Variants in DMD observed in about 807,000 individuals in gnomAD.
The protein encoded by DMD is mutant dystrophin.
In DMD, 63 loss-of-function variants were observed where a neutral mutation model predicts 330.1. That is an observed-to-expected ratio of 0.19 (90% CI 0.16 to 0.24). The LOEUF (loss-of-function observed/expected upper bound fraction) is 0.24, where lower values mean the gene tolerates loss of function less well. Among genes scored for constraint, DMD ranks in the 10% least tolerant of loss-of-function variants. The pLI, the probability that DMD is intolerant of heterozygous loss-of-function variation, is 1.00. For synonymous variants in DMD, 1,223 were observed against 959.8 expected (o/e 1.27, Z -5.07); for missense variants, 3,344 against 2,684.1 (o/e 1.25, Z -5.43).
chrX:32,756,043 A>G (rs1317793296), intron 7 of DMD: 2 of 112,360 alleles, frequency 1.8e-5, no homozygotes, highest in Non-Finnish European at 3.8e-5. Flanking sequence ...TGCTATGGCT[A>G]TTGGCTTTGT....
intron 1 of DMD, among the ~76,000 whole-genome samples, chrX:33,073,133 T>C (rs1453657681): frequency 8.9e-6 from 1 of 112,090 alleles, no homozygotes; most frequent in African/African-American, 3.2e-5. Context: ...AAGTAATGTT[T>C]ATCCTCAGTA....
At position 31,774,072 on chromosome X, in the gene DMD, C is replaced by T. The variant is rs764340452; in HGVS notation, c.7430G>A (p.Arg2477Gln). ...CCAGTCGGTAAGTTCTGTCCAAGCC[C>T]GGTTGAAATCTGCCAGAGCAGGTAC... ...LEVPALADFN[R>Q]AWTELTDWLS... is the part of the protein sequence containing the mutation. The change falls in exon 51 of 79, where the codon CGG (arginine) becomes CAG (glutamine). Residue 2477 changes from arginine (R) to glutamine (Q), a missense_variant. By Grantham distance (43) the Arg-to-Gln change is conservative. Coordinates refer to ENST00000357033, the MANE Select transcript of DMD (RefSeq NM_004006.3). 1.3e-5 allele frequency: 16 copies of T among 1,208,130 alleles called. No individual in the cohort carries two copies. The South Asian group carries it at 2.3e-4, about 17-fold the overall frequency.
intron 44 of DMD, among the ~76,000 whole-genome samples, chrX:32,183,571 A>ATATAT (rs2096934749): frequency 2.2e-4 from 21 of 95,102 alleles, no homozygotes; most frequent in African/African-American, 7.1e-4. Flanking sequence ...TATATATATA[A>ATATAT]ATATATATAT....
intron 61 of DMD, among the ~76,000 whole-genome samples, chrX:31,337,137 T>C (rs1423920258): frequency 9.1e-6 from 1 of 109,412 alleles, no homozygotes; most frequent in Non-Finnish European, 1.9e-5. Flanking sequence ...GTTGGCCAGG[T>C]TGGTCTCCAA....
chrX:32,058,495 C>G (rs778998918), intron 44 of DMD, among the ~76,000 whole-genome samples: 9 of 104,817 alleles, frequency 8.6e-5, no homozygotes, highest in Non-Finnish European at 1.4e-4. Context: ...TGTTCAACAT[C>G]ACTAACTACC....
At chrX:32,074,913 G>C (rs2096331545) in intron 44 of DMD, among the ~76,000 whole-genome samples, 1 of 110,545 alleles carries the variant, frequency 9.0e-6, no homozygotes, top group African/African-American at 3.3e-5. Flanking sequence ...AAACCGAAGA[G>C]GAAAAGAGAG....
At chrX:31,943,922 AG>A (rs1341980564) in intron 45 of DMD, among the ~76,000 whole-genome samples, 47 of 104,679 alleles carry the variant, frequency 4.5e-4, no homozygotes, top group African/African-American at 1.4e-3. Flanking sequence ...AGAGAGAGAG[AG>A]AGAGAAAAGG....
chrX:33,169,206 A>G (rs372295213), intron 1 of DMD, among the ~76,000 whole-genome samples: 383 of 111,526 alleles, frequency 3.4e-3, no homozygotes, highest in African/African-American at 0.012. Flanking sequence ...AATTTTGTAC[A>G]TTTGCAAAAA....
intron 7 of DMD, among the ~76,000 whole-genome samples, chrX:32,739,021 A>C (rs1052551320): frequency 8.9e-6 from 1 of 112,116 alleles, no homozygotes; most frequent in African/African-American, 3.2e-5. Context: ...GATGTTTTGC[A>C]ATTATAATGG....
chrX:31,320,656 A>G lies in DMD; in HGVS notation c.9224+2942T>C, dbSNP rs774244461. Among the ~76,000 whole-genome samples, 3 of 112,357 alleles carry G rather than the reference A, an allele frequency of 2.7e-5. No individual in the cohort carries two copies. In the South Asian group the frequency reaches 1.1e-3, roughly 42 times the overall value. ...TTGGTTTCCATAGAACATTTTAGAT[A>G]ATAGTAATGGCTAATAAGACACAAG... On this transcript the variant is annotated intron_variant, in intron 62 of 78. Transcript: ENST00000357033.
At chrX:32,493,633 A>C in intron 19 of DMD, among the ~76,000 whole-genome samples, 1 of 112,002 alleles carries the variant, frequency 8.9e-6, no homozygotes, top group Non-Finnish European at 1.9e-5. Flanking sequence ...ATTTGGTATA[A>C]AGTGTAAGAG....
intron 7 of DMD, among the ~76,000 whole-genome samples, chrX:32,733,561 A>G (rs1278067392): frequency 1.8e-5 from 2 of 111,260 alleles, no homozygotes; most frequent in African/African-American, 3.3e-5. Context: ...ATAACAAACT[A>G]TCTCTCAGAC....
At chrX:32,386,253 C>A in intron 33 of DMD, 57 bp downstream of exon 33, 2 of 1,183,857 alleles carry the variant, frequency 1.7e-6, no homozygotes, top group Middle Eastern at 2.3e-4. Context: ...TTGCCCGTTG[C>A]TTTACAATTT....
At position 31,340,177 on chromosome X, in the gene DMD, C is replaced by T. The variant is rs193004074; in HGVS notation, c.9163+8379G>A. Among the ~76,000 whole-genome samples, 4 of 112,146 alleles carry T rather than the reference C, an allele frequency of 3.6e-5. No individual in the cohort carries two copies. The East Asian group carries it at 1.1e-3, about 31-fold the overall frequency. On this transcript the variant is annotated intron_variant, in intron 61 of 78. Transcript: ENST00000357033. ...TTTGACAAGAGAGAAAAAGACTTAA[C>T]CAGGGATATGATTAAGGCAGTTAAG...
At chrX:32,777,282 G>GGGGCGGGGC (rs1368782701) in intron 7 of DMD, among the ~76,000 whole-genome samples, 1 of 54,132 alleles carries the variant, frequency 1.8e-5, no homozygotes, top group Non-Finnish European at 3.7e-5. Flanking sequence ...CTGGTTGGGG[G>GGGGCGGGGC]GGGAATCCTA....
chrX:33,252,856 C>T (rs1019631195), intron 1 of DMD, among the ~76,000 whole-genome samples: 1 of 111,688 alleles, frequency 9.0e-6, no homozygotes, highest in African/African-American at 3.2e-5. Context: ...AACCCAGAAT[C>T]AGTCATTTAT....
intron 11 of DMD, 93 bp downstream of exon 11, chrX:32,644,039 G>T: frequency 3.8e-6 from 3 of 780,802 alleles, no homozygotes; most frequent in Non-Finnish European, 5.6e-6. Flanking sequence ...GGAACAAACT[G>T]AGAATCGTAA....
intron 9 of DMD, among the ~76,000 whole-genome samples, chrX:32,689,757 A>G (rs1345495826): frequency 9.0e-6 from 1 of 111,418 alleles, no homozygotes; most frequent in Non-Finnish European, 1.9e-5. Flanking sequence ...AAAATCAATT[A>G]GTATGATACA....
intron 2 of DMD, among the ~76,000 whole-genome samples, chrX:32,937,771 C>CT (rs1305615242): frequency 9.1e-6 from 1 of 109,787 alleles, no homozygotes; most frequent in Non-Finnish European, 1.9e-5. Flanking sequence ...CACGATGAGT[C>CT]TCTCTTCCTC....
Sources: gnomAD v4.1 joint callset for allele counts (sites outside exome capture counted in the v4.1 genomes callset) on GRCh38, gnomAD v4.1.1 for gene constraint, MANE v1.5 for transcripts, NCBI Gene and HGNC (gene_info 2026-07-23, HGNC 2026-07-21) for gene names.